Variants in SMAD4 observed in about 807,000 individuals in gnomAD.
SMAD4 encodes the protein MAD homolog 4.
In SMAD4, 7 loss-of-function variants were observed where a neutral mutation model predicts 63.2. That is an observed-to-expected ratio of 0.11 (90% CI 0.06 to 0.21). SMAD4 has a LOEUF of 0.21. Among genes scored for constraint, SMAD4 ranks in the 10% least tolerant of loss-of-function variants. The probability of loss-of-function intolerance (pLI) is 1.00; values close to 1 mark genes in which losing one functional copy is unlikely to be tolerated. For missense variants in SMAD4, 312 were observed against 693.8 expected (o/e 0.45, Z 6.18); for synonymous variants, 215 against 235.4 (o/e 0.91, Z 0.79).
At chr18:51,077,358 T>C in intron 11 of SMAD4, 1 of 983,852 alleles carries the variant, frequency 1.0e-6, no homozygotes, top group Non-Finnish European at 1.2e-6. Context: ...GGCACCCATC[T>C]TCCACGTCTG....
rs1910620252 is a variant in SMAD4 at position 51,081,888 on chromosome 18, A to T, written c.*3421A>T. On this transcript the variant is annotated 3_prime_UTR_variant, in exon 12 of 12. Coordinates refer to ENST00000342988, the MANE Select transcript of SMAD4 (RefSeq NM_005359.6). ...TAAGTGTCTATGGAGGTTAAAGAAT[A>T]AAATGGTAAATGTTTCTGTGCCTGG... 4.3e-6 allele frequency: 1 copy of T among 232,188 alleles called. No homozygotes were observed. Among genetic ancestry groups the T allele is most frequent in the Non-Finnish European group, 8.5e-6 (1 of 117,500 alleles). 14.4% of individuals were successfully genotyped at this position (232,188 alleles called of 1,614,324 possible).
In SMAD4 at chr18:51,082,846, C is replaced by A. The variant is rs1056910634; in HGVS notation, c.*4379C>A. 1 of 227,552 alleles carries A rather than the reference C, an allele frequency of 4.4e-6. No individual in the cohort carries two copies. Among genetic ancestry groups the A allele is most frequent in the African/African-American group, 2.2e-5 (1 of 44,896 alleles). The allele number at this position is 227,552 out of a possible 1,614,324, so 14.1% of individuals were successfully genotyped here. ...GCATTTTCTTCTTCTCTTTCTGATT[C>A]TTCATTTCTGACTGCCTAGGCAAGG... On this transcript the variant is annotated 3_prime_UTR_variant, in exon 12 of 12. Coordinates refer to ENST00000342988, the MANE Select transcript of SMAD4 (RefSeq NM_005359.6).
intron 1 of SMAD4, among the ~76,000 whole-genome samples, chr18:51,039,434 T>G (rs1383916811): frequency 3.3e-5 from 5 of 152,048 alleles, no homozygotes; most frequent in African/African-American, 1.2e-4. Context: ...TCAGGTAGTT[T>G]GCAGGCTAAC....
chr18:51,033,417 T>G (rs889177219), intron 1 of SMAD4, among the ~76,000 whole-genome samples: 1 of 152,224 alleles, frequency 6.6e-6, no homozygotes, highest in Non-Finnish European at 1.5e-5. Context: ...CTTGAACAAC[T>G]GACCTCAGGT....
At chr18:51,060,686 T>C (rs1050390541) in intron 8 of SMAD4, among the ~76,000 whole-genome samples, 1 of 152,140 alleles carries the variant, frequency 6.6e-6, no homozygotes, top group Non-Finnish European at 1.5e-5. Context: ...CAAACTGGAG[T>C]GCAGTGGCAT....
intron 1 of SMAD4, among the ~76,000 whole-genome samples, chr18:51,034,991 T>C (rs1169977969): frequency 6.6e-6 from 1 of 152,150 alleles, no homozygotes; most frequent in Non-Finnish European, 1.5e-5. Context: ...GTCATTAGGG[T>C]CCTCTGACTT....
chr18:51,079,449 T>A lies in SMAD4; in HGVS notation c.*982T>A, dbSNP rs1375111851. On this transcript the variant is annotated 3_prime_UTR_variant, in exon 12 of 12. Transcript: ENST00000342988. ...CTGCTAAATTCTATGTTAAATACTGTGCAGAATAATGGAAACATTACAGTT... is the reference window on the plus strand; with the variant it reads ...CTGCTAAATTCTATGTTAAATACTGAGCAGAATAATGGAAACATTACAGTT... 4.3e-6 allele frequency: 1 copy of A among 233,378 alleles called. No homozygotes were observed. The highest frequency in any genetic ancestry group is 8.5e-6 in the Non-Finnish European group (1 of 117,954). 14.5% of individuals were successfully genotyped at this position (233,378 alleles called of 1,614,324 possible). A position where few individuals can be genotyped will look rare whatever the true frequency, so the allele number is the denominator to read the frequency against.
intron 10 of SMAD4, among the ~76,000 whole-genome samples, chr18:51,070,481 T>A (rs898370223): frequency 2.6e-5 from 4 of 152,218 alleles, no homozygotes; most frequent in Non-Finnish European, 5.9e-5. Context: ...AACTAAGATT[T>A]TAAAATAATT....
chr18:51,078,748 G>T lies in SMAD4; in HGVS notation c.*281G>T. 1 of 411,040 alleles carries T rather than the reference G, an allele frequency of 2.4e-6. No individual in the cohort carries two copies. The allele number at this position is 411,040 out of a possible 1,614,324, so 25.5% of individuals were successfully genotyped here. On this transcript the variant is annotated 3_prime_UTR_variant, in exon 12 of 12. Coordinates refer to ENST00000342988, the MANE Select transcript of SMAD4 (RefSeq NM_005359.6). Reference sequence around the variant, plus strand: ...TTATGTATGAAGGAATCATTCCAGTGCTAGAAAATTTAGCCCTTTAAAACG... The same window carrying T: ...TTATGTATGAAGGAATCATTCCAGTTCTAGAAAATTTAGCCCTTTAAAACG...
chr18:51,047,019 T>C lies in SMAD4; in HGVS notation c.-28T>C, dbSNP rs762899211. ...AATTGCTTCAGAAATTGGAGACATA[T>C]TTGATTTAAAAGGAAAAACTTGAAC... On this transcript the variant is annotated 5_prime_UTR_variant, in exon 2 of 12. Transcript: ENST00000342988. 4.2e-5 allele frequency: 67 copies of C among 1,608,476 alleles called. No individual in the cohort carries two copies. Among genetic ancestry groups the C allele is most frequent in the Non-Finnish European group, 5.3e-5 (62 of 1,175,250 alleles).
At chr18:51,058,546 T>A in intron 7 of SMAD4, 90 bp downstream of exon 7, 1 of 867,034 alleles carries the variant, frequency 1.2e-6, no homozygotes, top group Non-Finnish European at 1.9e-6. Flanking sequence ...TTTACATCTT[T>A]TATTCATCCT....
In SMAD4 at chr18:51,065,377, A is replaced by T. The variant is rs749489514; in HGVS notation, c.956-46A>T. On this transcript the variant is annotated intron_variant, in intron 8 of 11. Transcript: ENST00000342988. ...GTTGTGGAGTGCAAGTGAAAGCCTT[A>T]TATCTTTCTCATGGGAGGATGTTCT... 5 of 1,519,312 alleles carry T rather than the reference A, an allele frequency of 3.3e-6. No homozygotes were observed. The African/African-American group carries it at 4.1e-5, about 12-fold the overall frequency. The allele number at this position is 1,519,312 out of a possible 1,614,324, so 94.1% of individuals were successfully genotyped here. A position where few individuals can be genotyped will look rare whatever the true frequency, so the allele number is the denominator to read the frequency against.
intron 8 of SMAD4, among the ~76,000 whole-genome samples, chr18:51,061,564 G>C (rs1181630933): frequency 6.6e-6 from 1 of 152,082 alleles, no homozygotes; most frequent in African/African-American, 2.4e-5. Flanking sequence ...GTACTCCACT[G>C]TGTATAAGTC....
chr18:51,065,364 A>C, intron 8 of SMAD4, 59 bp from the exon 9 acceptor site: 1 of 1,411,642 alleles, frequency 7.1e-7, no homozygotes, highest in Non-Finnish European at 1.0e-6. Context: ...TGTGGAGTGC[A>C]AGTGAAAGCC....
At chr18:51,040,349 A>G (rs1909337807) in intron 1 of SMAD4, among the ~76,000 whole-genome samples, 1 of 151,748 alleles carries the variant, frequency 6.6e-6, no homozygotes. Flanking sequence ...GCTTGAACCC[A>G]GGAGGCAGAA....
chr18:51,072,520 A>G (rs1436696202), intron 10 of SMAD4, among the ~76,000 whole-genome samples: 3 of 152,190 alleles, frequency 2.0e-5, no homozygotes, highest in African/African-American at 4.8e-5. Context: ...CCTTAGCACA[A>G]TCTTGTTTAT....
At chr18:51,051,077 T>C (rs1173643575) in intron 4 of SMAD4, 1 of 160,574 alleles carries the variant, frequency 6.2e-6, no homozygotes, top group South Asian at 1.7e-4. Context: ...TTTCCATCCA[T>C]GTTTTTGGAG....
At chr18:51,031,324 T>G (rs759410334) in intron 1 of SMAD4, among the ~76,000 whole-genome samples, 2 of 152,230 alleles carry the variant, frequency 1.3e-5, no homozygotes, top group Non-Finnish European at 2.9e-5. Flanking sequence ...TTTCTCAAAC[T>G]AGATTTTCAA....
At chr18:51,074,538 C>A (rs1277741341) in intron 10 of SMAD4, among the ~76,000 whole-genome samples, 9 of 152,132 alleles carry the variant, frequency 5.9e-5, no homozygotes, top group Non-Finnish European at 1.3e-4. Flanking sequence ...AGTGTAAATT[C>A]ATTGATTGTA....
Sources: allele counts gnomAD v4.1 joint callset (sites outside exome capture counted in the v4.1 genomes callset), GRCh38; gene constraint gnomAD v4.1.1; transcripts MANE v1.5; gene names NCBI Gene and HGNC (gene_info 2026-07-23, HGNC 2026-07-21).